Variants in PNPLA1 observed in about 807,000 individuals in gnomAD.
The protein encoded by PNPLA1 is omega-hydroxyceramide transacylase.
Under a neutral mutation model 51.7 loss-of-function variants are expected in PNPLA1, and 36 were observed. The observed-to-expected ratio is 0.70, with a 90% confidence interval of 0.53 to 0.92. PNPLA1 has a LOEUF of 0.92. PNPLA1 is among the 40% of genes least tolerant of loss of function. The pLI is 0.00. For synonymous variants in PNPLA1, 293 were observed against 280.1 expected (o/e 1.05, Z -0.46); for missense variants, 658 against 682.5 (o/e 0.96, Z 0.40).
chr6:36,304,559 G>A (rs562683678), intron 6 of PNPLA1, among the ~76,000 whole-genome samples: 5 of 151,300 alleles, frequency 3.3e-5, no homozygotes, highest in Non-Finnish European at 5.9e-5. Context: ...CCTGGGAGGC[G>A]GAGGTTGCAG....
chr6:36,298,012 C>A (rs371886302), intron 5 of PNPLA1, among the ~76,000 whole-genome samples: 31 of 152,342 alleles, frequency 2.0e-4, no homozygotes, highest in East Asian at 1.5e-3. Context: ...AACCCCTGAT[C>A]TGCTTTCTGC....
intron 1 of PNPLA1, among the ~76,000 whole-genome samples, chr6:36,279,405 T>C (rs1395603321): frequency 6.6e-6 from 1 of 152,200 alleles, no homozygotes; most frequent in Non-Finnish European, 1.5e-5. Flanking sequence ...GTTATTGTCA[T>C]TGATAGGTGG....
At chr6:36,278,850 G>A (rs972605116) in intron 1 of PNPLA1, among the ~76,000 whole-genome samples, 1 of 152,130 alleles carries the variant, frequency 6.6e-6, no homozygotes, top group African/African-American at 2.4e-5. Flanking sequence ...CAAAGCAGTG[G>A]ATGTCCACAC....
chr6:36,310,831 G>GTT (rs1384600421), intron 8 of PNPLA1, among the ~76,000 whole-genome samples: 8 of 152,318 alleles, frequency 5.3e-5, no homozygotes, highest in Admixed American at 5.2e-4. Context: ...GGGAGTTTCA[G>GTT]TTTCTCTCTA....
chr6:36,310,829 C>T (rs1771391621), intron 8 of PNPLA1, among the ~76,000 whole-genome samples: 1 of 152,176 alleles, frequency 6.6e-6, no homozygotes, highest in African/African-American at 2.4e-5. Context: ...GTGGGAGTTT[C>T]AGTTTCTCTC....
At chr6:36,295,523 T>G in intron 5 of PNPLA1, 99 bp downstream of exon 5, 1 of 1,325,404 alleles carries the variant, frequency 7.5e-7, no homozygotes, top group Non-Finnish European at 1.1e-6. Context: ...CCCAGATTTG[T>G]GACCCGGAGA....
At chr6:36,304,050 A>C (rs145371223) in intron 6 of PNPLA1, among the ~76,000 whole-genome samples, 13 of 152,214 alleles carry the variant, frequency 8.5e-5, no homozygotes, top group Admixed American at 3.3e-4. Context: ...TGTTTATTTA[A>C]AATGCTCAGG....
chr6:36,305,215 A>G (rs1006223105), intron 6 of PNPLA1, among the ~76,000 whole-genome samples: 2 of 152,294 alleles, frequency 1.3e-5, no homozygotes, highest in Non-Finnish European at 2.9e-5. Flanking sequence ...CTCATCAGCT[A>G]TCATTACTGT....
At chr6:36,290,193 A>C (rs73421632) in intron 1 of PNPLA1, among the ~76,000 whole-genome samples, 176 of 152,342 alleles carry the variant, frequency 1.2e-3, no homozygotes, top group African/African-American at 3.8e-3. Context: ...AACCATAAGA[A>C]AGTTCTACCA....
chr6:36,275,424 T>G (rs1259618716), intron 1 of PNPLA1, among the ~76,000 whole-genome samples: 1 of 152,204 alleles, frequency 6.6e-6, no homozygotes, highest in African/African-American at 2.4e-5. Flanking sequence ...ATTACAATGA[T>G]TTCTTCTACA....
intron 1 of PNPLA1, among the ~76,000 whole-genome samples, chr6:36,274,369 T>A (rs1460786534): frequency 2.0e-5 from 3 of 152,052 alleles, no homozygotes; most frequent in African/African-American, 7.2e-5. Context: ...TCTGAACAGG[T>A]GGAATTTCCA....
intron 1 of PNPLA1, among the ~76,000 whole-genome samples, chr6:36,259,096 A>C (rs1769592662): frequency 1.3e-5 from 2 of 152,224 alleles, no homozygotes; most frequent in African/African-American, 2.4e-5. Context: ...GCAATGGTTC[A>C]GACCAAAACT....
intron 1 of PNPLA1, among the ~76,000 whole-genome samples, chr6:36,278,170 C>T (rs1031891128): frequency 1.8e-4 from 27 of 152,098 alleles, no homozygotes; most frequent in Non-Finnish European, 3.8e-4. Flanking sequence ...TGATGTTGTA[C>T]GGTCTTAACT....
chr6:36,310,958 C>T (rs1007573305), intron 8 of PNPLA1, among the ~76,000 whole-genome samples: 7 of 152,156 alleles, frequency 4.6e-5, no homozygotes, highest in African/African-American at 1.4e-4. Flanking sequence ...TGACCAGTGC[C>T]CAGGCCTGTG....
At chr6:36,291,592 C>CACGGGGGGGGGGG in intron 2 of PNPLA1, 40 bp downstream of exon 2, 1 of 105,202 alleles carries the variant, frequency 9.5e-6, no homozygotes, top group South Asian at 6.3e-5. Context: ...ACGGAGGGGG[C>CACGGGGGGGGGGG]GGGGGAGGGC....
intron 1 of PNPLA1, among the ~76,000 whole-genome samples, chr6:36,246,131 C>T (rs1769276196): frequency 1.3e-5 from 2 of 152,124 alleles, no homozygotes; most frequent in African/African-American, 4.8e-5. Flanking sequence ...GGGGTGAGGG[C>T]TGGTATCACC....
chr6:36,270,556 G>GA lies in PNPLA1; in HGVS notation c.98dup (p.Asp33GlufsTer35). Reference sequence around the variant, plus strand: ...CTCCTTCTACCAGGCGGGGGCTGTGGACGCCCTGCGGGACCTGGCCCCCCG... The same window carrying GA: ...CTCCTTCTACCAGGCGGGGGCTGTGGAACGCCCTGCGGGACCTGGCCCCCCG... On this transcript the variant is annotated frameshift_variant, in exon 1 of 9. Transcript: ENST00000636260. LOFTEE classifies it high-confidence loss of function. 1 of 1,551,638 alleles carries GA rather than the reference G, an allele frequency of 6.4e-7. No homozygotes were observed. The highest frequency in any genetic ancestry group is 8.7e-7 in the Non-Finnish European group (1 of 1,147,010).
At chr6:36,257,198 A>G (rs150415690) in intron 1 of PNPLA1, among the ~76,000 whole-genome samples, 1 of 152,186 alleles carries the variant, frequency 6.6e-6, no homozygotes, top group Non-Finnish European at 1.5e-5. Context: ...CTCCCCAGGT[A>G]CTCTCAGTTT....
intron 1 of PNPLA1, among the ~76,000 whole-genome samples, chr6:36,275,755 T>C (rs1047577251): frequency 6.6e-6 from 1 of 152,210 alleles, no homozygotes; most frequent in Non-Finnish European, 1.5e-5. Flanking sequence ...GGCCCTTTCT[T>C]TGCCCCATGT....
Sources: gnomAD v4.1 joint callset for allele counts (sites outside exome capture counted in the v4.1 genomes callset) on GRCh38, gnomAD v4.1.1 for gene constraint, MANE v1.5 for transcripts, NCBI Gene and HGNC (gene_info 2026-07-23, HGNC 2026-07-21) for gene names.